DOP1A: variants seen among roughly 807,000 people sequenced by gnomAD.
The protein encoded by DOP1A is DOP1 leucine zipper like protein A, also known as protein DOP1A.
A neutral mutation model predicts 267.6 loss-of-function variants in DOP1A; 90 were observed. That is an observed-to-expected ratio of 0.34 (90% confidence interval 0.28 to 0.40). DOP1A has a LOEUF of 0.40. Among genes scored for constraint, DOP1A ranks in the 10% least tolerant of loss-of-function variants. The pLI, the probability that DOP1A is intolerant of heterozygous loss-of-function variation, is 1.00. For synonymous variants in DOP1A, 932 were observed against 999.1 expected, an observed-to-expected ratio of 0.93 and a Z score of 1.27; for missense variants, 2,437 against 2,900.4, an observed-to-expected ratio of 0.84 and a Z score of 3.67.
chr6:83,117,119 TTTTTATTTTATTTTA>T (rs55825933), intron 7 of DOP1A, among the ~76,000 whole-genome samples: 101 of 131,354 alleles, frequency 7.7e-4, no homozygotes, highest in Middle Eastern at 7.2e-3. Flanking sequence ...TTTTAGTACT[TTTTTATTTTATTTTA>T]TTTTATTTTA....
chr6:83,112,326 A>G (rs1193717148), intron 6 of DOP1A, among the ~76,000 whole-genome samples: 1 of 151,994 alleles, frequency 6.6e-6, no homozygotes, highest in Non-Finnish European at 1.5e-5. Context: ...AGTTTAAACT[A>G]CACCAAGCCA....
intron 29 of DOP1A, 45 bp downstream of exon 29, chr6:83,152,072 A>G (rs767305483): frequency 8.1e-6 from 13 of 1,604,768 alleles, no homozygotes; most frequent in African/African-American, 1.3e-5. Context: ...AAGCAGGCAT[A>G]TATTTACTAA....
At chr6:83,145,204 A>AATATATATATAATATATAT (rs1252551351) in intron 24 of DOP1A, among the ~76,000 whole-genome samples, 1 of 644 alleles carries the variant, frequency 1.6e-3, no homozygotes, top group African/African-American at 5.6e-3. Flanking sequence ...ATATATATAT[A>AATATATATATAATATATAT]ATAATATATA....
At chr6:83,094,992 G>A (rs1032142106) in intron 1 of DOP1A, among the ~76,000 whole-genome samples, 2 of 152,100 alleles carry the variant, frequency 1.3e-5, no homozygotes, top group Non-Finnish European at 2.9e-5. Flanking sequence ...GGGTGCAGCG[G>A]CGTGATCTTG....
At chr6:83,086,151 C>T (rs942249058) in intron 1 of DOP1A, among the ~76,000 whole-genome samples, 3 of 152,080 alleles carry the variant, frequency 2.0e-5, no homozygotes, top group African/African-American at 7.2e-5. Context: ...ATCGAAAATC[C>T]ACGTATAATT....
intron 38 of DOP1A, chr6:83,164,886 A>G (rs1405293266): frequency 1.9e-5 from 11 of 584,744 alleles, no homozygotes; most frequent in Non-Finnish European, 3.1e-5. Context: ...GTATGGAAAC[A>G]TTTGACTTTA....
chr6:83,083,782 G>A (rs1768576861), intron 1 of DOP1A, among the ~76,000 whole-genome samples: 1 of 152,066 alleles, frequency 6.6e-6, no homozygotes, highest in South Asian at 2.1e-4. Flanking sequence ...TTATTATTAT[G>A]GCTGTTTGCC....
At chr6:83,110,348 A>G in intron 6 of DOP1A, 34 bp downstream of exon 6, 1 of 1,593,684 alleles carries the variant, frequency 6.3e-7, no homozygotes. Context: ...CATTTCACAA[A>G]TATTTCTTTA....
chr6:83,124,194 G>A (rs1187564322), intron 12 of DOP1A, among the ~76,000 whole-genome samples: 1 of 152,022 alleles, frequency 6.6e-6, no homozygotes, highest in East Asian at 1.9e-4. Flanking sequence ...GGATTTCTAT[G>A]ATTTAATGTG....
intron 38 of DOP1A, chr6:83,166,700 A>G: frequency 8.1e-7 from 1 of 1,233,088 alleles, no homozygotes; most frequent in Non-Finnish European, 1.0e-6. Context: ...TTCCTTTTTC[A>G]GGATTTTACT....
chr6:83,127,958 C>G (rs530732671), intron 15 of DOP1A, among the ~76,000 whole-genome samples: 7 of 152,192 alleles, frequency 4.6e-5, no homozygotes, highest in Non-Finnish European at 1.0e-4. Flanking sequence ...TAGTGAATGG[C>G]AGAGCCCTAG....
chr6:83,156,928 G>C (rs1181079146), intron 34 of DOP1A, among the ~76,000 whole-genome samples: 1 of 152,162 alleles, frequency 6.6e-6, no homozygotes, highest in African/African-American at 2.4e-5. Context: ...CAAAACTTTA[G>C]AGTAAACATT....
intron 8 of DOP1A, 144 bp downstream of exon 8, chr6:83,119,131 T>C (rs1305933288): frequency 3.0e-6 from 2 of 659,448 alleles, no homozygotes; most frequent in Non-Finnish European, 5.2e-6. Flanking sequence ...ATAAACAGTA[T>C]TAGTTGTGTA....
chr6:83,074,397 T>C (rs1200197638), intron 1 of DOP1A, among the ~76,000 whole-genome samples: 1 of 152,184 alleles, frequency 6.6e-6, no homozygotes, highest in African/African-American at 2.4e-5. Flanking sequence ...CATTCACCCT[T>C]TATTACCATA....
At chr6:83,082,363 C>T (rs778769498) in intron 1 of DOP1A, among the ~76,000 whole-genome samples, 1 of 152,170 alleles carries the variant, frequency 6.6e-6, no homozygotes, top group Non-Finnish European at 1.5e-5. Flanking sequence ...TTTGCAATAA[C>T]ATGGATGAAC....
Position 83,159,921 on chromosome 6 carries a change from C to T in DOP1A, c.6923C>T (p.Ala2308Val). Residue 2308 changes from alanine to valine, a missense_variant, in exon 37 of 39, where the codon GCT becomes GTT. Ala to Val is a moderately conservative substitution (Grantham distance 64). Around this residue, in one of 9 missense-constraint regions of DOP1A, gnomAD observed 197 missense variants for 246.5 expected, o/e 0.80. Coordinates refer to ENST00000349129, the MANE Select transcript of DOP1A (RefSeq NM_015018.4). ...TCTGCTTGCAAATTTTTGGATTTGG[C>T]TCTCGCATTGCCCTCTGAAAACCTT... ...YLSACKFLDLALALPSENLPQ... is the reference protein window; with the variant it reads ...YLSACKFLDLVLALPSENLPQ... 2 of 1,614,100 alleles carry T rather than the reference C, an allele frequency of 1.2e-6. No individual in the cohort carries two copies. The highest frequency in any genetic ancestry group is 1.7e-6 in the Non-Finnish European group (2 of 1,180,020).
intron 24 of DOP1A, 55 bp downstream of exon 24, chr6:83,142,101 A>C (rs781155740): frequency 6.3e-7 from 1 of 1,587,658 alleles, no homozygotes; most frequent in Non-Finnish European, 8.5e-7. Flanking sequence ...AGTACATGCT[A>C]ATTTCCACTT....
intron 1 of DOP1A, among the ~76,000 whole-genome samples, chr6:83,095,783 A>C (rs758249033): frequency 6.6e-6 from 1 of 152,140 alleles, no homozygotes; most frequent in Non-Finnish European, 1.5e-5. Context: ...GCCACAGTCA[A>C]ATTAAGGCTT....
At chr6:83,162,736 T>G in intron 37 of DOP1A, 54 bp from the exon 38 acceptor site, 1 of 1,547,282 alleles carries the variant, frequency 6.5e-7, no homozygotes, top group Non-Finnish European at 8.7e-7. Flanking sequence ...TGGCCTAATC[T>G]TAGATGGCAC....
Sources: gnomAD v4.1 joint callset for allele counts (sites outside exome capture counted in the v4.1 genomes callset) on GRCh38, gnomAD v4.1.1 for gene constraint, gnomAD v4.1.1 regional missense constraint, MANE v1.5 for transcripts, NCBI Gene and HGNC (gene_info 2026-07-23, HGNC 2026-07-21) for gene names.